The following VTI1A variants were observed in gnomAD, a reference collection of about 807,000 sequenced individuals.
The protein encoded by VTI1A is vesicle transport through interaction with t-SNAREs 1A.
In VTI1A, 22 loss-of-function variants were observed where a neutral mutation model predicts 34.9. The ratio of observed to expected loss-of-function variants is 0.63; its 90% confidence interval spans 0.45 to 0.90. The LOEUF is 0.90. Among genes scored for constraint, VTI1A ranks in the 40% least tolerant of loss-of-function variants. The pLI, the probability that VTI1A is intolerant of heterozygous loss-of-function variation, is 0.00. For missense variants in VTI1A, 268 were observed against 275.6 expected (o/e 0.97, Z 0.20); for synonymous variants, 87 against 97.3 (o/e 0.89, Z 0.62).
intron 7 of VTI1A, among the ~76,000 whole-genome samples, chr10:112,785,322 C>G (rs930948537): frequency 2.0e-5 from 3 of 152,216 alleles, no homozygotes; most frequent in African/African-American, 7.2e-5. Context: ...TGCAGAGAAG[C>G]CCCTCCCCAA....
chr10:112,719,962 C>A (rs1300967531), intron 7 of VTI1A, among the ~76,000 whole-genome samples: 1 of 152,146 alleles, frequency 6.6e-6, no homozygotes, highest in Non-Finnish European at 1.5e-5. Flanking sequence ...TATAGATTTG[C>A]CTATTCTAGA....
intron 5 of VTI1A, among the ~76,000 whole-genome samples, chr10:112,562,522 T>TTGTGTG (rs369382577): frequency 6.0e-5 from 9 of 150,856 alleles, no homozygotes; most frequent in African/African-American, 2.2e-4. Context: ...AATATTATGT[T>TTGTGTG]TGTGTGTGTG....
intron 7 of VTI1A, among the ~76,000 whole-genome samples, chr10:112,696,813 G>C (rs1848806004): frequency 6.6e-6 from 1 of 152,176 alleles, no homozygotes; most frequent in South Asian, 2.1e-4. Context: ...ATTTCCTTGA[G>C]TATGTACTGA....
intron 2 of VTI1A, among the ~76,000 whole-genome samples, chr10:112,461,439 A>C (rs1847724306): frequency 6.6e-6 from 1 of 151,934 alleles, no homozygotes; most frequent in Admixed American, 6.6e-5. Context: ...CACTGTTACC[A>C]CTCCCATTTT....
At chr10:112,608,391 A>G (rs1007523785) in intron 5 of VTI1A, among the ~76,000 whole-genome samples, 3 of 152,186 alleles carry the variant, frequency 2.0e-5, no homozygotes, top group African/African-American at 7.2e-5. Flanking sequence ...TTTTTGAGGA[A>G]GCTGTATAAA....
At chr10:112,497,659 G>A (rs890710168) in intron 3 of VTI1A, among the ~76,000 whole-genome samples, 2 of 152,104 alleles carry the variant, frequency 1.3e-5, no homozygotes, top group Admixed American at 1.3e-4. Flanking sequence ...TCTAAATTAG[G>A]CCAAACTTTC....
chr10:112,823,836 C>G, the VTI1A span: 1 of 152,214 alleles, frequency 6.6e-6, no homozygotes, highest in Non-Finnish European at 1.5e-5. Flanking sequence ...GCCACCTTGG[C>G]GATGGGGTGA....
intron 3 of VTI1A, among the ~76,000 whole-genome samples, chr10:112,519,571 A>C (rs1321731031): frequency 6.6e-6 from 1 of 152,138 alleles, no homozygotes; most frequent in Non-Finnish European, 1.5e-5. Context: ...AGTTGATAGA[A>C]CTAGGTGAAT....
chr10:112,788,764 T>A (rs184696004), intron 7 of VTI1A, among the ~76,000 whole-genome samples: 12 of 152,314 alleles, frequency 7.9e-5, no homozygotes, highest in Non-Finnish European at 2.9e-5. Context: ...TTCTGCCTCC[T>A]TTTTAAAAAT....
intron 7 of VTI1A, among the ~76,000 whole-genome samples, chr10:112,728,348 T>G (rs1378055438): frequency 6.6e-6 from 1 of 152,236 alleles, no homozygotes; most frequent in Non-Finnish European, 1.5e-5. Flanking sequence ...AACAACTAAG[T>G]GAGCTATAAA....
the VTI1A span, among the ~76,000 whole-genome samples, chr10:112,842,880 C>T: frequency 6.6e-6 from 1 of 152,136 alleles, no homozygotes; most frequent in Non-Finnish European, 1.5e-5. Context: ...CTGGGTATTC[C>T]AAGTAGGAAG....
chr10:112,498,217 T>A (rs1849095014), intron 3 of VTI1A, among the ~76,000 whole-genome samples: 1 of 152,214 alleles, frequency 6.6e-6, no homozygotes, highest in African/African-American at 2.4e-5. Context: ...GGTCTTTCTA[T>A]TTTATTAGAC....
chr10:112,673,996 T>G (rs1387052629), intron 7 of VTI1A, among the ~76,000 whole-genome samples: 1 of 152,242 alleles, frequency 6.6e-6, no homozygotes, highest in Non-Finnish European at 1.5e-5. Context: ...CTAATTGTTC[T>G]TACTACAATG....
intron 7 of VTI1A, among the ~76,000 whole-genome samples, chr10:112,744,487 G>T (rs535839899): frequency 7.6e-6 from 1 of 131,448 alleles, no homozygotes; most frequent in African/African-American, 3.2e-5. Flanking sequence ...TTGAGACAGA[G>T]TCTGTCGCCC....
intron 7 of VTI1A, among the ~76,000 whole-genome samples, chr10:112,695,404 A>T (rs1038395906): frequency 3.3e-5 from 5 of 151,214 alleles, no homozygotes; most frequent in African/African-American, 1.2e-4. Flanking sequence ...TATAAAGATT[A>T]AAAAAAAAGG....
At chr10:112,487,343 C>T (rs1416871158) in intron 3 of VTI1A, among the ~76,000 whole-genome samples, 1 of 152,166 alleles carries the variant, frequency 6.6e-6, no homozygotes, top group East Asian at 1.9e-4. Context: ...AGGCTGGTCT[C>T]AAACTCCTGA....
At chr10:112,534,455 T>G (rs1285882613) in intron 4 of VTI1A, among the ~76,000 whole-genome samples, 2 of 152,104 alleles carry the variant, frequency 1.3e-5, no homozygotes, top group African/African-American at 2.4e-5. Flanking sequence ...TGAATTACTT[T>G]TGAGTTTAAT....
Position 112,514,782 on chromosome 10 carries a change from G to A in VTI1A, c.265-12305G>A, listed in dbSNP as rs117155565. 9.3e-3 allele frequency among the ~76,000 whole-genome samples: 1,418 copies of A among 152,010 alleles called. 66 individuals carry two copies. The highest frequency in any genetic ancestry group is 0.075 in the Admixed American group (1,138 of 15,242). On this transcript the variant is annotated intron_variant, in intron 3 of 7. Coordinates refer to ENST00000393077, the MANE Select transcript of VTI1A (RefSeq NM_145206.4). ...TAGCTCTACTATTTAACAAAATGTA[G>A]CGGTAACTTGAAGCATTATATTTCA... is the stretch of plus-strand genomic sequence containing the variant.
intron 5 of VTI1A, among the ~76,000 whole-genome samples, chr10:112,559,952 G>C (rs1851668025): frequency 2.6e-5 from 4 of 152,132 alleles, no homozygotes. Context: ...CACGTGTGTG[G>C]GGATGTACCC....
Sources: allele counts gnomAD v4.1 joint callset (sites outside exome capture counted in the v4.1 genomes callset), GRCh38; gene constraint gnomAD v4.1.1; transcripts MANE v1.5; gene names NCBI Gene and HGNC (gene_info 2026-07-23, HGNC 2026-07-21).